The following DPYD variants were observed in gnomAD, a reference collection of about 807,000 sequenced individuals.
The protein encoded by DPYD is dihydropyrimidine dehydrogenase [NADP(+)].
DPYD carries 109 observed loss-of-function variants against 116.2 expected under a neutral mutation model. That is an observed-to-expected ratio of 0.94 (90% CI 0.80 to 1.10). The LOEUF (loss-of-function observed/expected upper bound fraction) is 1.10. DPYD is among the 50% of genes least tolerant of loss of function. The pLI is 0.00. For synonymous variants in DPYD, 440 were observed against 432.0 expected, an observed-to-expected ratio of 1.02 and a Z score of -0.23; for missense variants, 1,302 against 1,254.5, an observed-to-expected ratio of 1.04 and a Z score of -0.57.
chr1:97,173,178 ATACATATATATGTGTATATATGTG>A (rs747683920), intron 20 of DPYD, among the ~76,000 whole-genome samples: 244 of 151,118 alleles, frequency 1.6e-3, no homozygotes, highest in Non-Finnish European at 2.8e-3. Flanking sequence ...GTACACATGT[ATACATATATATGTGTATATATGTG>A]TACATATATA....
intron 20 of DPYD, among the ~76,000 whole-genome samples, chr1:97,139,401 G>A (rs1336495024): frequency 6.6e-6 from 1 of 152,084 alleles, no homozygotes; most frequent in Non-Finnish European, 1.5e-5. Context: ...TTCACAAGAT[G>A]AATCTTTTAA....
At chr1:97,602,614 T>C (rs1344059499) in intron 8 of DPYD, among the ~76,000 whole-genome samples, 6 of 151,918 alleles carry the variant, frequency 3.9e-5, no homozygotes, top group Non-Finnish European at 8.8e-5. Context: ...TTGGAAAAAA[T>C]ACATAGATTT....
In DPYD at chr1:97,885,693, T is replaced by C. The variant is rs1194101508; in HGVS notation, c.40-2319A>G. ...TCAATACTTAGGATGAGCAAATAAA[T>C]TGAGGGTGATTAAGTAACCTGCTTA... is the stretch of plus-strand genomic sequence containing the variant. On this transcript the variant is annotated intron_variant, in intron 1 of 22. Coordinates refer to ENST00000370192, the MANE Select transcript of DPYD (RefSeq NM_000110.4). Among the ~76,000 whole-genome samples the C allele has an allele frequency of 2.6e-5, 4 of 152,144 alleles. No individual in the cohort carries two copies. In the East Asian group the frequency reaches 7.8e-4, roughly 30 times the overall value.
chr1:97,613,923 C>T (rs1451396431), intron 8 of DPYD, among the ~76,000 whole-genome samples: 1 of 151,984 alleles, frequency 6.6e-6, no homozygotes, highest in African/African-American at 2.4e-5. Flanking sequence ...TTTACTAGCT[C>T]ATCCTTTTAT....
At chr1:97,792,204 G>A (rs573774175) in intron 3 of DPYD, among the ~76,000 whole-genome samples, 1 of 152,192 alleles carries the variant, frequency 6.6e-6, no homozygotes, top group African/African-American at 2.4e-5. Context: ...TACTCCTGAC[G>A]CCAAACTAGT....
chr1:97,800,125 GTTTAAA>G (rs1413900204), intron 3 of DPYD, among the ~76,000 whole-genome samples: 2 of 151,888 alleles, frequency 1.3e-5, no homozygotes, highest in African/African-American at 4.8e-5. Flanking sequence ...AATAATGGTA[GTTTAAA>G]TTTAAGTAAT....
intron 13 of DPYD, among the ~76,000 whole-genome samples, chr1:97,470,907 T>C (rs984887635): frequency 4.6e-5 from 7 of 152,022 alleles, no homozygotes; most frequent in African/African-American, 1.7e-4. Context: ...GGAGAATAGC[T>C]TGAACCCAGG....
intron 14 of DPYD, among the ~76,000 whole-genome samples, chr1:97,446,660 A>C (rs1026461490): frequency 1.3e-5 from 2 of 152,054 alleles, no homozygotes; most frequent in Admixed American, 1.3e-4. Context: ...TCCTACTTTA[A>C]CTGCCACAAA....
intron 7 of DPYD, among the ~76,000 whole-genome samples, chr1:97,681,794 T>A (rs1306156327): frequency 6.6e-6 from 1 of 152,116 alleles, no homozygotes; most frequent in Non-Finnish European, 1.5e-5. Flanking sequence ...AGGTTAGACA[T>A]AAAAGAAAAC....
At chr1:97,865,015 G>C (rs1178183535) in intron 2 of DPYD, among the ~76,000 whole-genome samples, 2 of 151,760 alleles carry the variant, frequency 1.3e-5, no homozygotes, top group Non-Finnish European at 2.9e-5. Flanking sequence ...AACAAACCTA[G>C]GCTATGTGTT....
At chr1:97,864,386 A>G (rs1298437019) in intron 2 of DPYD, among the ~76,000 whole-genome samples, 1 of 151,994 alleles carries the variant, frequency 6.6e-6, no homozygotes, top group Non-Finnish European at 1.5e-5. Context: ...GATTGGATTC[A>G]GTAAACATAT....
intron 11 of DPYD, among the ~76,000 whole-genome samples, chr1:97,569,630 T>C (rs1026401093): frequency 3.3e-5 from 5 of 151,828 alleles, no homozygotes; most frequent in Admixed American, 1.3e-4. Context: ...TGACGTGATA[T>C]GGAGTCGTAC....
chr1:97,124,572 C>A (rs1346900723), intron 20 of DPYD, among the ~76,000 whole-genome samples: 4 of 152,064 alleles, frequency 2.6e-5, no homozygotes, highest in African/African-American at 9.7e-5. Context: ...GCTTTAGTGT[C>A]TACAAAGGAT....
At chr1:97,185,014 T>C (rs1332300658) in intron 20 of DPYD, among the ~76,000 whole-genome samples, 5 of 152,202 alleles carry the variant, frequency 3.3e-5, no homozygotes, top group South Asian at 4.1e-4. Context: ...ATACTAGGTA[T>C]AGGATTTTTG....
chr1:97,740,292 A>T, intron 4 of DPYD, 100 bp downstream of exon 4: 1 of 973,424 alleles, frequency 1.0e-6, no homozygotes, highest in Non-Finnish European at 1.6e-6. Context: ...TTAATGGTTT[A>T]ACTGGATTTG....
At chr1:97,198,038 T>G (rs1658935658) in intron 19 of DPYD, among the ~76,000 whole-genome samples, 1 of 152,214 alleles carries the variant, frequency 6.6e-6, no homozygotes. Context: ...CTGATAGAAT[T>G]TTTGATAGTA....
chr1:97,538,224 T>C (rs771634053), intron 12 of DPYD, among the ~76,000 whole-genome samples: 1 of 152,188 alleles, frequency 6.6e-6, no homozygotes, highest in African/African-American at 2.4e-5. Flanking sequence ...AGAAAGAAGA[T>C]GGAATATCTA....
At chr1:97,117,260 T>C (rs1203923128) in intron 20 of DPYD, among the ~76,000 whole-genome samples, 2 of 152,210 alleles carry the variant, frequency 1.3e-5, no homozygotes, top group African/African-American at 4.8e-5. Context: ...TATTGATTGA[T>C]TGACTGAATG....
At chr1:97,131,919 T>C (rs1318700953) in intron 20 of DPYD, among the ~76,000 whole-genome samples, 1 of 152,196 alleles carries the variant, frequency 6.6e-6, no homozygotes, top group Non-Finnish European at 1.5e-5. Context: ...CTTATTTTCC[T>C]TTACTTAAAT....
Sources: allele counts gnomAD v4.1 joint callset (sites outside exome capture counted in the v4.1 genomes callset), GRCh38; gene constraint gnomAD v4.1.1; transcripts MANE v1.5; gene names NCBI Gene and HGNC (gene_info 2026-07-23, HGNC 2026-07-21).